The following DGKH variants were observed in gnomAD, a reference collection of about 807,000 sequenced individuals.
DGKH encodes the protein DAG kinase eta.
In DGKH, 90 loss-of-function variants were observed where a neutral mutation model predicts 159.3. The ratio of observed to expected loss-of-function variants is 0.57; its 90% CI spans 0.48 to 0.67. The LOEUF is 0.67. DGKH is among the 30% of genes least tolerant of loss of function. The pLI, the probability that DGKH is intolerant of heterozygous loss-of-function variation, is 0.00. For missense variants in DGKH, 1,181 were observed against 1,506.1 expected, an observed-to-expected ratio of 0.78 and a Z score of 3.57; for synonymous variants, 536 against 553.8, an observed-to-expected ratio of 0.97 and a Z score of 0.45.
chr13:42,080,011 G>GA (rs1366213947), intron 1 of DGKH, among the ~76,000 whole-genome samples: 1 of 152,060 alleles, frequency 6.6e-6, no homozygotes, highest in East Asian at 1.9e-4. Flanking sequence ...TTTTATTGTG[G>GA]AAAAACCTGA....
intron 29 of DGKH, among the ~76,000 whole-genome samples, chr13:42,228,362 A>G (rs1254145874): frequency 1.3e-5 from 2 of 152,200 alleles, no homozygotes; most frequent in East Asian, 3.8e-4. Flanking sequence ...TTTTACACAC[A>G]TACATTACAA....
chr13:42,066,623 T>C (rs1468214802), intron 1 of DGKH: 1 of 152,206 alleles, frequency 6.6e-6, no homozygotes, highest in East Asian at 1.9e-4. Context: ...ATGTGAAAAA[T>C]TGGAGTTGCC....
rs1047563688 is a variant in DGKH at position 42,240,957 on chromosome 13, C to G, written c.*11769C>G. The G allele has an allele frequency of 1.3e-5, 2 of 151,892 alleles. No individual in the cohort carries two copies. Among genetic ancestry groups the G allele is most frequent in the African/African-American group, 4.8e-5 (2 of 41,346 alleles). The allele number at this position is 151,892 out of a possible 1,614,324, so 9.4% of individuals were successfully genotyped here. A position where few individuals can be genotyped will look rare whatever the true frequency, so the allele number is the denominator to read the frequency against. On this transcript the variant is annotated 3_prime_UTR_variant, in exon 30 of 30. Coordinates refer to ENST00000337343, the MANE Select transcript of DGKH (RefSeq NM_178009.5). ...TGAAACCTCATCTCTGCTAAAAATACAAAAACTAGCCAGGCATGGTGATGC... is the reference window on the plus strand; with the variant it reads ...TGAAACCTCATCTCTGCTAAAAATAGAAAAACTAGCCAGGCATGGTGATGC...
Position 42,233,919 on chromosome 13 carries a change from C to T in DGKH, c.*4731C>T, listed in dbSNP as rs1478044393. 1.3e-5 allele frequency: 2 copies of T among 152,208 alleles called. No individual in the cohort carries two copies. Among genetic ancestry groups the T allele is most frequent in the Admixed American group, 6.5e-5 (1 of 15,284 alleles). 9.4% of individuals were successfully genotyped at this position (152,208 alleles called of 1,614,324 possible). ...GCATGAGGACACATAGCAGTACACA[C>T]ACATTGAATGAATTGTTAGTCATGC... On this transcript the variant is annotated 3_prime_UTR_variant, in exon 30 of 30. Coordinates refer to ENST00000337343, the MANE Select transcript of DGKH (RefSeq NM_178009.5).
intron 1 of DGKH, chr13:42,071,123 T>A: frequency 1.3e-6 from 1 of 772,602 alleles, no homozygotes; most frequent in Non-Finnish European, 2.0e-6. Flanking sequence ...CCTTTTCCTT[T>A]GGAATTGTTG....
At chr13:42,132,137 T>C (rs555783866) in intron 3 of DGKH, among the ~76,000 whole-genome samples, 2 of 152,308 alleles carry the variant, frequency 1.3e-5, no homozygotes, top group South Asian at 4.1e-4. Flanking sequence ...TTTTAATGCT[T>C]TTTATTTTTT....
At chr13:42,195,890 A>T (rs1957193171) in intron 17 of DGKH, 1 of 152,258 alleles carries the variant, frequency 6.6e-6, no homozygotes, top group Admixed American at 6.5e-5. Flanking sequence ...AAGAATTTAC[A>T]AATAATATAT....
Position 42,102,407 on chromosome 13 carries a change from G to A in DGKH, c.193-25056G>A, listed in dbSNP as rs548619716. 1.4e-3 allele frequency among the ~76,000 whole-genome samples: 213 copies of A among 152,356 alleles called. 3 individuals carry two copies. The highest frequency in any genetic ancestry group is 5.0e-3 in the African/African-American group (207 of 41,586). The stretch of plus-strand genomic sequence containing the variant: ...TTTTAAAAAGTGGCCCCACTCAAGA[G>A]TCCTTCCTGCCAATGGACAATGTGG... On this transcript the variant is annotated intron_variant, in intron 1 of 29. Transcript: ENST00000337343.
intron 13 of DGKH, among the ~76,000 whole-genome samples, chr13:42,186,422 A>G (rs1214933193): frequency 1.3e-5 from 2 of 152,220 alleles, no homozygotes; most frequent in Non-Finnish European, 2.9e-5. Context: ...GCCAAATGTA[A>G]TTAAAATAAA....
At chr13:42,062,154 A>G (rs1301574046) in intron 1 of DGKH, among the ~76,000 whole-genome samples, 1 of 152,192 alleles carries the variant, frequency 6.6e-6, no homozygotes, top group Non-Finnish European at 1.5e-5. Flanking sequence ...ATGGTATTCC[A>G]GTTGTGTTTT....
chr13:42,172,926 TG>T (rs1956500429), intron 11 of DGKH, among the ~76,000 whole-genome samples: 1 of 152,048 alleles, frequency 6.6e-6, no homozygotes, highest in Admixed American at 6.6e-5. Context: ...CCACCTGCCA[TG>T]GCCTCCCAAA....
intron 1 of DGKH, among the ~76,000 whole-genome samples, chr13:42,065,424 C>T (rs901970058): frequency 3.3e-5 from 5 of 152,146 alleles, no homozygotes; most frequent in Non-Finnish European, 5.9e-5. Flanking sequence ...AAATTATTAC[C>T]GTTTGAGTAT....
intron 30 of DGKH, among the ~76,000 whole-genome samples, chr13:42,254,495 T>C (rs1253049850): frequency 6.6e-6 from 1 of 152,054 alleles, no homozygotes; most frequent in Non-Finnish European, 1.5e-5. Flanking sequence ...TAGCCAGGCA[T>C]GGTGGCGGGT....
chr13:42,132,386 C>G (rs1955306245), intron 3 of DGKH, among the ~76,000 whole-genome samples: 1 of 152,134 alleles, frequency 6.6e-6, no homozygotes, highest in Non-Finnish European at 1.5e-5. Context: ...TCCTATTTAG[C>G]TAGAATTTTG....
At chr13:42,157,509 C>T (rs1338697549) in intron 5 of DGKH, among the ~76,000 whole-genome samples, 2 of 151,986 alleles carry the variant, frequency 1.3e-5, no homozygotes, top group South Asian at 2.1e-4. Context: ...TATATTCGGC[C>T]GGGCACGGTG....
At chr13:42,185,122 G>A (rs1956882838) in intron 13 of DGKH, among the ~76,000 whole-genome samples, 1 of 151,986 alleles carries the variant, frequency 6.6e-6, no homozygotes, top group Non-Finnish European at 1.5e-5. Context: ...TGGTTGGTAG[G>A]ACTTTGCAAT....
rs1390577387 is a variant in DGKH at position 42,041,131 on chromosome 13, C to G, written c.-13+1005C>G. ...CGCCTTTGTCCGGCTGATCGAGGCT[C>G]TCCCCGAGGAACCGCTGGCAAACCG... On this transcript the variant is annotated intron_variant, in intron 1 of 29. Transcript: ENST00000379274. Among the ~76,000 whole-genome samples, 3 of 152,188 alleles carry G rather than the reference C, an allele frequency of 2.0e-5. No homozygotes were observed. The East Asian group carries it at 5.8e-4, about 29-fold the overall frequency.
chr13:42,245,129 T>C (rs1295914500), downstream of DGKH, among the ~76,000 whole-genome samples: 7 of 152,024 alleles, frequency 4.6e-5, no homozygotes, highest in East Asian at 1.4e-3. Context: ...GATGGAGAAG[T>C]GGGCTTGCAT....
Position 42,155,814 on chromosome 13 carries a change from A to G in DGKH, c.622+15A>G, listed in dbSNP as rs1023186160. On this transcript the variant is annotated intron_variant, in intron 5 of 29. Transcript: ENST00000337343. ...GTCCTGCGAAGGTACTGTAGCACCT[A>G]GCATGTGTTTTCTCCCAACAGTAAC... The G allele has an allele frequency of 6.2e-7, 1 of 1,613,884 alleles. No individual in the cohort carries two copies. The highest frequency in any genetic ancestry group is 1.1e-5 in the South Asian group (1 of 91,038).
Sources: gnomAD v4.1 joint callset for allele counts (sites outside exome capture counted in the v4.1 genomes callset) on GRCh38, gnomAD v4.1.1 for gene constraint, MANE v1.5 for transcripts, NCBI Gene and HGNC (gene_info 2026-07-23, HGNC 2026-07-21) for gene names.